The following TNFRSF11B variants were observed in gnomAD, a reference collection of about 807,000 sequenced individuals.
TNFRSF11B encodes TNF receptor superfamily member 11b, also known as tumor necrosis factor receptor superfamily member 11B.
A neutral mutation model predicts 43.4 loss-of-function variants in TNFRSF11B; 16 were observed. The ratio of observed to expected loss-of-function variants is 0.37; its 90% CI spans 0.25 to 0.56. The LOEUF is 0.56. Among genes scored for constraint, TNFRSF11B ranks in the 20% least tolerant of loss-of-function variants. The probability of loss-of-function intolerance (pLI) is 0.80; values close to 1 mark genes in which losing one functional copy is unlikely to be tolerated. For missense variants in TNFRSF11B, 444 were observed against 490.1 expected (o/e 0.91, Z 0.89); for synonymous variants, 185 against 181.8 (o/e 1.02, Z -0.14).
intron 1 of TNFRSF11B, 96 bp downstream of exon 1, chr8:118,951,696 G>A (rs867932617): frequency 8.0e-7 from 1 of 1,242,426 alleles, no homozygotes; most frequent in Non-Finnish European, 1.2e-6. Flanking sequence ...GGAGCGAGTG[G>A]AGCCTTCTCC....
At chr8:118,932,818 C>G in intron 2 of TNFRSF11B, 113 bp downstream of exon 2, 3 of 1,418,502 alleles carry the variant, frequency 2.1e-6, no homozygotes, top group Non-Finnish European at 2.9e-6. Flanking sequence ...GGTTTCATTA[C>G]CTTTGCAATT....
chr8:118,938,472 C>T (rs1267599289), intron 1 of TNFRSF11B, among the ~76,000 whole-genome samples: 1 of 152,148 alleles, frequency 6.6e-6, no homozygotes, highest in Non-Finnish European at 1.5e-5. Context: ...GTAATTAGTG[C>T]AGACAGAATT....
chr8:118,934,496 G>A (rs1812375117), intron 1 of TNFRSF11B, among the ~76,000 whole-genome samples: 1 of 152,210 alleles, frequency 6.6e-6, no homozygotes, highest in South Asian at 2.1e-4. Context: ...ATAATGGCAG[G>A]AAGAGGCCTG....
rs75983133 is a variant in TNFRSF11B at position 118,951,683 on chromosome 8, G to A, written c.30+109C>T. On this transcript the variant is annotated intron_variant, in intron 1 of 4. Coordinates refer to ENST00000297350, the MANE Select transcript of TNFRSF11B (RefSeq NM_002546.4). ...CAGCCTAACCCCAAGCCTCTCCTGG[G>A]AGGGAGCGAGTGGAGCCTTCTCCCC... The A allele has an allele frequency of 4.5e-4, 492 of 1,085,976 alleles. 1 individual carries two copies. The African/African-American group carries it at 7.2e-3, about 16-fold the overall frequency. The allele number at this position is 1,085,976 out of a possible 1,614,324, so 67.3% of individuals were successfully genotyped here.
Position 118,928,843 on chromosome 8 carries a change from G to GTT in TNFRSF11B, c.485_486dup (p.His163AsnfsTer12). On this transcript the variant is annotated frameshift_variant, in exon 3 of 5. Transcript: ENST00000297350. LOFTEE classifies it high-confidence loss of function. ...AGACCAAAGACACTGCAATTTGTGT[G>GTT]TTTTCTACAGGGTGCTTTAGATGAC... is the stretch of plus-strand genomic sequence containing the variant. The GTT allele has an allele frequency of 6.2e-7, 1 of 1,614,180 alleles. No individual in the cohort carries two copies. The highest frequency in any genetic ancestry group is 8.5e-7 in the Non-Finnish European group (1 of 1,180,022).
intron 1 of TNFRSF11B, among the ~76,000 whole-genome samples, chr8:118,949,123 A>G (rs1812605879): frequency 6.6e-6 from 1 of 152,134 alleles, no homozygotes; most frequent in Non-Finnish European, 1.5e-5. Flanking sequence ...GCCCATGTCT[A>G]TGACATTAGT....
At chr8:118,940,758 G>GA (rs1438570716) in intron 1 of TNFRSF11B, among the ~76,000 whole-genome samples, 1 of 151,968 alleles carries the variant, frequency 6.6e-6, no homozygotes, top group Non-Finnish European at 1.5e-5. Context: ...CTTGTCTCCA[G>GA]AAAAAAAGCA....
rs1812351714 is a variant in TNFRSF11B at position 118,933,091 on chromosome 8, A to G, written c.240T>C (p.Cys80=). ...YTDSWHTSDE[C]LYCSPVCKEL... is the part of the protein sequence containing the mutation. ...CCTTGCACACGGGGCTGCAGTATAG[A>G]CACTCGTCACTGGTGTGCCAGCTGT... Residue 80 remains cysteine (C), a synonymous_variant, in exon 2 of 5, where the codon TGT becomes TGC. Coordinates refer to ENST00000297350, the MANE Select transcript of TNFRSF11B (RefSeq NM_002546.4). The G allele has an allele frequency of 6.2e-7, 1 of 1,614,080 alleles. No homozygotes were observed. Among genetic ancestry groups the G allele is most frequent in the African/African-American group, 1.3e-5 (1 of 74,932 alleles).
At chr8:118,931,783 G>A (rs545691784) in intron 2 of TNFRSF11B, among the ~76,000 whole-genome samples, 6 of 152,242 alleles carry the variant, frequency 3.9e-5, no homozygotes, top group East Asian at 3.9e-4. Context: ...AGTATTGGTC[G>A]TCTAATAATT....
At chr8:118,938,550 T>C (rs556834280) in intron 1 of TNFRSF11B, among the ~76,000 whole-genome samples, 40 of 152,292 alleles carry the variant, frequency 2.6e-4, no homozygotes, top group African/African-American at 9.6e-4. Flanking sequence ...ACCAAATGCT[T>C]TCCCTTACGC....
At chr8:118,946,349 T>G (rs1044921473) in intron 1 of TNFRSF11B, among the ~76,000 whole-genome samples, 2 of 152,188 alleles carry the variant, frequency 1.3e-5, no homozygotes, top group Non-Finnish European at 2.9e-5. Flanking sequence ...GTTGTAACAC[T>G]ATTCTTATCC....
chr8:118,938,499 G>A (rs1365957190), intron 1 of TNFRSF11B, among the ~76,000 whole-genome samples: 1 of 152,152 alleles, frequency 6.6e-6, no homozygotes, highest in East Asian at 1.9e-4. Context: ...TAGAGCATGT[G>A]CCATATAAAA....
At chr8:118,926,473 T>A (rs1812246620) in intron 4 of TNFRSF11B, 21 bp downstream of exon 4, 26 of 1,596,936 alleles carry the variant, frequency 1.6e-5, no homozygotes, top group Non-Finnish European at 2.1e-5. Flanking sequence ...TGATTGATCT[T>A]TTTATTTTAG....
At chr8:118,932,192 G>C (rs762435512) in intron 2 of TNFRSF11B, among the ~76,000 whole-genome samples, 1 of 152,238 alleles carries the variant, frequency 6.6e-6, no homozygotes, top group South Asian at 2.1e-4. Flanking sequence ...CTGAAGCTTC[G>C]CAAATGTGGC....
chr8:118,931,245 T>C (rs1350936746), intron 2 of TNFRSF11B, among the ~76,000 whole-genome samples: 6 of 152,214 alleles, frequency 3.9e-5, no homozygotes, highest in Admixed American at 3.9e-4. Context: ...TGGAAACCTC[T>C]TATTTCCCAA....
chr8:118,929,634 T>A (rs1327834239), intron 2 of TNFRSF11B, among the ~76,000 whole-genome samples: 1 of 152,216 alleles, frequency 6.6e-6, no homozygotes, highest in African/African-American at 2.4e-5. Flanking sequence ...TACTTCATGA[T>A]GGAAAAATAT....
At chr8:118,924,798 C>T (rs542877648) in intron 4 of TNFRSF11B, 36 bp from the exon 5 acceptor site, 2 of 1,613,254 alleles carry the variant, frequency 1.2e-6, no homozygotes, top group Non-Finnish European at 1.7e-6. Context: ...GTGTTCACAT[C>T]ATTTATATTC....
intron 3 of TNFRSF11B, among the ~76,000 whole-genome samples, chr8:118,928,009 C>G (rs1812269806): frequency 7.0e-6 from 1 of 142,082 alleles, no homozygotes; most frequent in African/African-American, 2.6e-5. Flanking sequence ...GTACACATTT[C>G]TAATGTGTGT....
chr8:118,924,346 G>C lies in TNFRSF11B; in HGVS notation c.*28C>G. 1.2e-6 allele frequency: 2 copies of C among 1,612,904 alleles called. No homozygotes were observed. Among genetic ancestry groups the C allele is most frequent in the Middle Eastern group, 1.7e-4 (1 of 5,806 alleles). ...TCATCCATGGGATCTCGCCAATTGT[G>C]AGGAAACAGCTCAATGGCCATTTCC... On this transcript the variant is annotated 3_prime_UTR_variant, in exon 5 of 5. Transcript: ENST00000297350.
Sources: gnomAD v4.1 joint callset for allele counts (sites outside exome capture counted in the v4.1 genomes callset) on GRCh38, gnomAD v4.1.1 for gene constraint, MANE v1.5 for transcripts, NCBI Gene and HGNC (gene_info 2026-07-23, HGNC 2026-07-21) for gene names.